The following KCNQ3 variants were observed in gnomAD, a reference collection of about 807,000 sequenced individuals.
KCNQ3 encodes the protein potassium voltage-gated channel subfamily Q member 3.
A neutral mutation model predicts 92.5 loss-of-function variants in KCNQ3; 30 were observed. That is an observed-to-expected ratio of 0.32 (90% confidence interval 0.24 to 0.44). The LOEUF (loss-of-function observed/expected upper bound fraction) is 0.44, where lower values mean the gene tolerates loss of function less well. Ranked by LOEUF, KCNQ3 falls within the 20% of genes least tolerant of loss-of-function variation. KCNQ3 has a pLI of 1.00. For missense variants in KCNQ3, 913 were observed against 1,140.3 expected (o/e 0.80, Z 2.87); for synonymous variants, 450 against 468.8 (o/e 0.96, Z 0.52).
At chr8:132,130,351 A>G (rs1824841824) in intron 14 of KCNQ3, among the ~76,000 whole-genome samples, 1 of 152,164 alleles carries the variant, frequency 6.6e-6, no homozygotes, top group South Asian at 2.1e-4. Context: ...TGCTGGGATT[A>G]CAGGCATGAA....
intron 1 of KCNQ3, among the ~76,000 whole-genome samples, chr8:132,358,474 G>A (rs957103410): frequency 4.6e-5 from 7 of 152,090 alleles, no homozygotes; most frequent in African/African-American, 1.7e-4. Context: ...AGGCTCATTG[G>A]GTAATGTTAG....
chr8:132,239,054 C>A lies in KCNQ3; in HGVS notation c.387-52873G>T, dbSNP rs1025669237. On this transcript the variant is annotated intron_variant, in intron 1 of 14. Coordinates refer to ENST00000388996, the MANE Select transcript of KCNQ3 (RefSeq NM_004519.4). ...TTAATTGATGGACCCAAAGTCTTGG[C>A]AGAATCTTATTTGGACATTGACGTA... Among the ~76,000 whole-genome samples, 7 of 152,194 alleles carry A rather than the reference C, an allele frequency of 4.6e-5. No homozygotes were observed. In the South Asian group the frequency reaches 1.2e-3, roughly 27 times the overall value.
At chr8:132,219,492 C>G (rs1475845731) in intron 1 of KCNQ3, among the ~76,000 whole-genome samples, 2 of 152,184 alleles carry the variant, frequency 1.3e-5, no homozygotes, top group African/African-American at 4.8e-5. Flanking sequence ...CTACCTTCTT[C>G]TCTACCCGCT....
At chr8:132,358,730 C>T (rs905656290) in intron 1 of KCNQ3, among the ~76,000 whole-genome samples, 1 of 152,040 alleles carries the variant, frequency 6.6e-6, no homozygotes, top group Non-Finnish European at 1.5e-5. Flanking sequence ...ATTTGGGGTC[C>T]ACAGACATGC....
At chr8:132,213,786 G>A (rs1563807658) in intron 1 of KCNQ3, among the ~76,000 whole-genome samples, 1 of 152,158 alleles carries the variant, frequency 6.6e-6, no homozygotes, top group Non-Finnish European at 1.5e-5. Context: ...CACTTATCAA[G>A]GTCCCCTTGA....
At chr8:132,225,695 G>A (rs1814389241) in intron 1 of KCNQ3, among the ~76,000 whole-genome samples, 1 of 152,128 alleles carries the variant, frequency 6.6e-6, no homozygotes, top group African/African-American at 2.4e-5. Flanking sequence ...CACAGAAAGT[G>A]GCAAATGCTA....
chr8:132,311,291 C>T (rs935272106), intron 1 of KCNQ3, among the ~76,000 whole-genome samples: 4 of 152,192 alleles, frequency 2.6e-5, no homozygotes, highest in African/African-American at 4.8e-5. Flanking sequence ...GGGTGCTCCA[C>T]ATAAGCCATT....
intron 1 of KCNQ3, among the ~76,000 whole-genome samples, chr8:132,328,249 C>T (rs979854712): frequency 1.3e-5 from 2 of 152,148 alleles, no homozygotes; most frequent in Non-Finnish European, 2.9e-5. Context: ...CCCTACACAC[C>T]TCACCCCACT....
At chr8:132,454,516 A>G (rs750935852) in intron 1 of KCNQ3, among the ~76,000 whole-genome samples, 2 of 152,156 alleles carry the variant, frequency 1.3e-5, no homozygotes, top group African/African-American at 2.4e-5. Context: ...AAGGAAGGAA[A>G]TCTGTAAAAC....
chr8:132,344,088 G>T (rs979845308), intron 1 of KCNQ3, among the ~76,000 whole-genome samples: 1 of 152,196 alleles, frequency 6.6e-6, no homozygotes, highest in South Asian at 2.1e-4. Context: ...GATGATCTGA[G>T]TAAGTGCACA....
rs534802708 is a variant in KCNQ3 at position 132,128,977 on chromosome 8, G to A, written c.*285C>T. The A allele has an allele frequency of 4.7e-5, 22 of 471,534 alleles. No homozygotes were observed. The highest frequency in any genetic ancestry group is 1.4e-4 in the Admixed American group (4 of 29,118). The allele number at this position is 471,534 out of a possible 1,614,324, so 29.2% of individuals were successfully genotyped here. A position where few individuals can be genotyped will look rare whatever the true frequency, so the allele number is the denominator to read the frequency against. On this transcript the variant is annotated 3_prime_UTR_variant, in exon 15 of 15. Transcript: ENST00000388996. ...AATTTCTCCCTGTACTGGTCCAATC[G>A]TGATTAAAAGTAAGAACAGCAGATA...
chr8:132,300,736 A>G (rs1222358412), intron 1 of KCNQ3, among the ~76,000 whole-genome samples: 1 of 152,146 alleles, frequency 6.6e-6, no homozygotes, highest in Admixed American at 6.5e-5. Flanking sequence ...GATGTTTTAA[A>G]CTGTATCTCA....
At chr8:132,136,844 T>G (rs1194431850) in intron 12 of KCNQ3, among the ~76,000 whole-genome samples, 1 of 151,760 alleles carries the variant, frequency 6.6e-6, no homozygotes, top group African/African-American at 2.4e-5. Flanking sequence ...TTCTAAATAT[T>G]ATTTTACGGC....
At chr8:132,333,375 T>C (rs1026196698) in intron 1 of KCNQ3, among the ~76,000 whole-genome samples, 5 of 152,210 alleles carry the variant, frequency 3.3e-5, no homozygotes, top group Non-Finnish European at 5.9e-5. Context: ...CCTGGACTTA[T>C]AAATATTTCA....
chr8:132,130,084 G>C lies in KCNQ3; in HGVS notation c.1885-88C>G, dbSNP rs2469623. The C allele has an allele frequency of 0.35, 388,927 of 1,126,662 alleles. 31,162 individuals carry two copies. Among genetic ancestry groups the C allele is most frequent in the Non-Finnish European group, 0.38 (307,274 of 813,598 alleles). The allele number at this position is 1,126,662 out of a possible 1,614,324, so 69.8% of individuals were successfully genotyped here. The stretch of plus-strand genomic sequence containing the variant: ...TTGGGAGGAAATATTCTTTTTTTTT[G>C]TTTTTTTTTTTTTTTTGAGACGAAG... On this transcript the variant is annotated intron_variant, in intron 14 of 14. Transcript: ENST00000388996.
chr8:132,135,471 C>A (rs1825051993), intron 12 of KCNQ3, among the ~76,000 whole-genome samples: 1 of 152,046 alleles, frequency 6.6e-6, no homozygotes, highest in South Asian at 2.1e-4. Context: ...AGCTGCTCCT[C>A]CACTGACGGC....
chr8:132,362,463 A>G (rs901433997), intron 1 of KCNQ3, among the ~76,000 whole-genome samples: 2 of 152,206 alleles, frequency 1.3e-5, no homozygotes, highest in Non-Finnish European at 2.9e-5. Context: ...GCAGAAACTG[A>G]GAGGAACAAA....
intron 1 of KCNQ3, among the ~76,000 whole-genome samples, chr8:132,292,534 T>C (rs1384352802): frequency 6.6e-6 from 1 of 151,930 alleles, no homozygotes; most frequent in Non-Finnish European, 1.5e-5. Flanking sequence ...TAAGTGGAGA[T>C]ATGGTTGAAT....
chr8:132,210,877 C>G (rs1003308491), intron 1 of KCNQ3, among the ~76,000 whole-genome samples: 1 of 152,220 alleles, frequency 6.6e-6, no homozygotes, highest in African/African-American at 2.4e-5. Context: ...GTATCTACAT[C>G]ATGGGGTGGT....
Sources: allele counts gnomAD v4.1 joint callset (sites outside exome capture counted in the v4.1 genomes callset), GRCh38; gene constraint gnomAD v4.1.1; transcripts MANE v1.5; gene names NCBI Gene and HGNC (gene_info 2026-07-23, HGNC 2026-07-21).